Variants in NDUFB1 observed in about 807,000 individuals in gnomAD.
The protein encoded by NDUFB1 is NADH dehydrogenase [ubiquinone] 1 beta subcomplex subunit 1.
NDUFB1 carries 6 observed loss-of-function variants against 6.7 expected under a neutral mutation model. The ratio of observed to expected loss-of-function variants is 0.89; its 90% CI spans 0.49 to 1.76. The LOEUF is 1.76. Ranked by LOEUF, NDUFB1 falls within the 40% of genes most tolerant of loss-of-function variation. NDUFB1 has a pLI of 0.01. For synonymous variants in NDUFB1, 17 were observed against 22.9 expected, an observed-to-expected ratio of 0.74 and a Z score of 0.74; for missense variants, 56 against 71.0, an observed-to-expected ratio of 0.79 and a Z score of 0.76.
chr14:92,118,859 A>ACATGCCT (rs2141438606), intron 1 of NDUFB1: 1 of 226,236 alleles, frequency 4.4e-6, no homozygotes, highest in Non-Finnish European at 9.1e-6. Flanking sequence ...CTGTAGTCCC[A>ACATGCCT]GTTACTCAGG....
intron 1 of NDUFB1, chr14:92,121,181 T>A: frequency 5.6e-6 from 1 of 178,016 alleles, no homozygotes; most frequent in African/African-American, 2.4e-5. Flanking sequence ...AAAAGCAAAG[T>A]AAAAGGGTAA....
intron 1 of NDUFB1, chr14:92,120,359 T>TC (rs1389319297): frequency 6.6e-6 from 1 of 151,850 alleles, no homozygotes; most frequent in African/African-American, 2.4e-5. Context: ...CTTTTTTTTT[T>TC]TTTATTTTGA....
intron 1 of NDUFB1, chr14:92,120,196 A>G (rs1950810): frequency 0.2 from 29,983 of 152,128 alleles, 3,247 homozygotes; most frequent in East Asian, 0.3. Flanking sequence ...ATCATGTACA[A>G]TGACTAAGAA....
chr14:92,116,929 T>C (rs1269575536), intron 2 of NDUFB1, among the ~76,000 whole-genome samples: 1 of 152,236 alleles, frequency 6.6e-6, no homozygotes, highest in Non-Finnish European at 1.5e-5. Context: ...CTCAGTTCTC[T>C]TGCCCCTCAG....
At chr14:92,121,504 TC>T in intron 1 of NDUFB1, 137 bp downstream of exon 1, 1 of 1,288,358 alleles carries the variant, frequency 7.8e-7, no homozygotes, top group South Asian at 1.3e-5. Flanking sequence ...TCCTTTCCCG[TC>T]ACCTTCGTTC....
intron 1 of NDUFB1, 171 bp from the exon 2 acceptor site, chr14:92,117,813 C>T: frequency 1.6e-6 from 1 of 631,106 alleles, no homozygotes; most frequent in South Asian, 2.0e-5. Context: ...GCCTGGCCAA[C>T]ATGGCAAAAC....
At chr14:92,121,505 C>T in intron 1 of NDUFB1, 137 bp downstream of exon 1, 2 of 1,297,904 alleles carry the variant, frequency 1.5e-6, no homozygotes, top group Non-Finnish European at 2.1e-6. Flanking sequence ...CCTTTCCCGT[C>T]ACCTTCGTTC....
chr14:92,118,440 GACTACAGGCAT>G (rs1309707980), intron 1 of NDUFB1: 2 of 152,192 alleles, frequency 1.3e-5, no homozygotes, highest in Non-Finnish European at 2.9e-5. Flanking sequence ...AAGTAGCTGG[GACTACAGGCAT>G]ACACCACTGC....
At chr14:92,120,900 G>A (rs1207459095) in intron 1 of NDUFB1, among the ~76,000 whole-genome samples, 4 of 150,376 alleles carry the variant, frequency 2.7e-5, no homozygotes, top group Admixed American at 2.0e-4. Context: ...AGTGGCTCAC[G>A]CCTGTAATCC....
chr14:92,119,667 A>G (rs2068739407), intron 1 of NDUFB1, among the ~76,000 whole-genome samples: 1 of 152,232 alleles, frequency 6.6e-6, no homozygotes, highest in Admixed American at 6.5e-5. Context: ...TTGCATGCAC[A>G]TAATGAGCTA....
intron 1 of NDUFB1, among the ~76,000 whole-genome samples, chr14:92,120,113 C>A (rs988313068): frequency 2.6e-5 from 4 of 152,052 alleles, no homozygotes; most frequent in African/African-American, 9.7e-5. Context: ...GTTGGATTGC[C>A]AATTTTCTGT....
chr14:92,116,331 C>CTTT (rs35571568), intron 2 of NDUFB1, 102 bp from the exon 3 acceptor site: 31,994 of 485,668 alleles, frequency 0.066, 1,094 homozygotes, highest in African/African-American at 0.12. Context: ...ATTTCATTTT[C>CTTT]TTTTTTTTTT....
intron 1 of NDUFB1, chr14:92,118,767 A>C (rs1363139261): frequency 1.2e-5 from 2 of 164,540 alleles, no homozygotes; most frequent in Non-Finnish European, 2.7e-5. Flanking sequence ...CAAGGTCAGG[A>C]GTTCGAGACC....
rs759445036 is a variant in NDUFB1 at position 92,117,593 on chromosome 14, A to T, written c.45T>A (p.Val15=). The stretch of plus-strand genomic sequence containing the variant: ...CAATGACAAATCCCATAGGGACAAG[A>T]ACATGAACCCAGTGGTCCCGCACAA... ...LQIVRDHWVH[V]LVPMGFVIGC... Residue 15 remains valine, a synonymous_variant, in exon 2 of 3, where the codon GTT becomes GTA. Coordinates refer to ENST00000605997, the MANE Select transcript of NDUFB1 (RefSeq NM_004545.4). 2 of 1,614,168 alleles carry T rather than the reference A, an allele frequency of 1.2e-6. No individual in the cohort carries two copies. Among genetic ancestry groups the T allele is most frequent in the Non-Finnish European group, 1.7e-6 (2 of 1,180,004 alleles).
intron 2 of NDUFB1, among the ~76,000 whole-genome samples, chr14:92,116,490 C>A (rs1044081221): frequency 7.3e-5 from 11 of 151,468 alleles, no homozygotes; most frequent in African/African-American, 2.2e-4. Flanking sequence ...TGTGCCACCA[C>A]ACCGAGCTAA....
At chr14:92,120,986 C>T (rs60324130) in intron 1 of NDUFB1, among the ~76,000 whole-genome samples, 1 of 151,330 alleles carries the variant, frequency 6.6e-6, no homozygotes, top group African/African-American at 2.4e-5. Context: ...ATAGTGAAAC[C>T]CTCGTCTCTA....
At chr14:92,120,343 TCTTTC>T (rs2068745788) in intron 1 of NDUFB1, 1 of 126,180 alleles carries the variant, frequency 7.9e-6, no homozygotes, top group Non-Finnish European at 1.6e-5. Context: ...CATACTTTTT[TCTTTC>T]CTTTTTTTTT....
Position 92,121,666 on chromosome 14 carries a change from C to G in NDUFB1, c.-30G>C, listed in dbSNP as rs900104501. 5.0e-6 allele frequency: 8 copies of G among 1,613,156 alleles called. No individual in the cohort carries two copies. The African/African-American group carries it at 6.7e-5, about 13-fold the overall frequency. ...CCTGCAGCCTCAGCGCCTACAGCGA[C>G]CCCGAGACCAAGGGCAACAGGGAAC... is the stretch of plus-strand genomic sequence containing the variant. On this transcript the variant is annotated 5_prime_UTR_variant, in exon 1 of 3. Transcript: ENST00000605997.
chr14:92,117,690 T>C (rs1290354669), intron 1 of NDUFB1, 48 bp from the exon 2 acceptor site: 3 of 1,578,072 alleles, frequency 1.9e-6, no homozygotes, highest in Admixed American at 1.8e-5. Flanking sequence ...TGTTTTTTTT[T>C]TGAAATAGCT....
Sources: allele counts gnomAD v4.1 joint callset (sites outside exome capture counted in the v4.1 genomes callset), GRCh38; gene constraint gnomAD v4.1.1; transcripts MANE v1.5; gene names NCBI Gene and HGNC (gene_info 2026-07-23, HGNC 2026-07-21).